The following ZNF385C variants were observed in gnomAD, a reference collection of about 807,000 sequenced individuals.
ZNF385C encodes zinc finger protein 385C.
In ZNF385C, 28 loss-of-function variants were observed where a neutral mutation model predicts 35.4. That is an observed-to-expected ratio of 0.79 (90% confidence interval 0.59 to 1.08). ZNF385C has a LOEUF of 1.08. ZNF385C is among the 50% of genes least tolerant of loss of function. The probability of loss-of-function intolerance (pLI) is 0.00; values close to 1 mark genes in which losing one functional copy is unlikely to be tolerated. For missense variants in ZNF385C, 605 were observed against 595.6 expected (o/e 1.02, Z -0.16); for synonymous variants, 248 against 248.2 (o/e 1.00, Z 0.01).
intron 2 of ZNF385C, among the ~76,000 whole-genome samples, chr17:42,057,788 A>G (rs983797120): frequency 2.0e-5 from 3 of 152,072 alleles, no homozygotes; most frequent in Non-Finnish European, 4.4e-5. Flanking sequence ...TACTAAAAAT[A>G]CAATATTAGC....
intron 1 of ZNF385C, among the ~76,000 whole-genome samples, chr17:42,081,345 A>C (rs540000128): frequency 6.6e-6 from 1 of 152,102 alleles, no homozygotes; most frequent in South Asian, 2.1e-4. Context: ...CACGGGAATC[A>C]CCTGAGCAGC....
chr17:42,098,237 C>G (rs1555661117), intron 1 of ZNF385C, among the ~76,000 whole-genome samples, 173 bp downstream of exon 1: 1 of 152,262 alleles, frequency 6.6e-6, no homozygotes, highest in African/African-American at 2.4e-5. Flanking sequence ...AGTTCAGTCC[C>G]GCCCAGCAGA....
At chr17:42,056,390 A>T (rs1186459382) in intron 2 of ZNF385C, among the ~76,000 whole-genome samples, 2 of 152,178 alleles carry the variant, frequency 1.3e-5, no homozygotes, top group African/African-American at 4.8e-5. Flanking sequence ...CCCATTCTCA[A>T]ACATGGCTCA....
chr17:42,088,904 C>T (rs1555660291), intron 1 of ZNF385C, among the ~76,000 whole-genome samples: 2 of 152,052 alleles, frequency 1.3e-5, no homozygotes, highest in African/African-American at 4.8e-5. Context: ...CAGCTCACTG[C>T]ACCCTCGACC....
chr17:42,040,753 G>A, intron 2 of ZNF385C: 1 of 1,232,366 alleles, frequency 8.1e-7, no homozygotes, highest in African/African-American at 1.5e-5. Flanking sequence ...GTGGGAACTA[G>A]GGCCACCATG....
intron 2 of ZNF385C, among the ~76,000 whole-genome samples, chr17:42,054,356 C>A (rs1182738365): frequency 6.6e-6 from 1 of 152,226 alleles, no homozygotes; most frequent in Non-Finnish European, 1.5e-5. Flanking sequence ...CCCAGCCTCA[C>A]TCATCCTCTC....
At chr17:42,040,729 A>C in intron 2 of ZNF385C, 1 of 1,232,358 alleles carries the variant, frequency 8.1e-7, no homozygotes, top group Non-Finnish European at 1.0e-6. Flanking sequence ...TGCTGCCCGG[A>C]GCTCAGGGAC....
At chr17:42,044,257 A>AT (rs1264762943) in intron 2 of ZNF385C, among the ~76,000 whole-genome samples, 1 of 144,790 alleles carries the variant, frequency 6.9e-6, no homozygotes, top group Non-Finnish European at 1.5e-5. Flanking sequence ...GCAGTGAGCC[A>AT]TGATGGCGCC....
rs868985521 is a variant in ZNF385C at position 42,050,712 on chromosome 17, G to A, written c.250+12095C>T. On this transcript the variant is annotated intron_variant, in intron 2 of 8. Transcript: ENST00000692273. The surrounding 1 kb of genome is among the most constrained non-coding windows in gnomAD (Gnocchi z 5.6). ...CCGGGCAGGGCGGGCGGCGCCCCCGGGGCTCACCTGGCCGCGCCCACCTGC... is the reference window on the plus strand; with the variant it reads ...CCGGGCAGGGCGGGCGGCGCCCCCGAGGCTCACCTGGCCGCGCCCACCTGC... 7 of 150,546 alleles carry A rather than the reference G, an allele frequency of 4.6e-5. No individual in the cohort carries two copies. The highest frequency in any genetic ancestry group is 6.9e-3 in the Middle Eastern group (2 of 290). The allele number at this position is 150,546 out of a possible 1,614,324, so 9.3% of individuals were successfully genotyped here.
chr17:42,064,321 G>A (rs2053516755), intron 1 of ZNF385C, among the ~76,000 whole-genome samples: 1 of 152,202 alleles, frequency 6.6e-6, no homozygotes, highest in Non-Finnish European at 1.5e-5. Flanking sequence ...TCAGACAGGG[G>A]CTTCCTGAGA....
intron 2 of ZNF385C, among the ~76,000 whole-genome samples, chr17:42,055,739 G>T (rs1193631797): frequency 6.6e-6 from 1 of 152,134 alleles, no homozygotes; most frequent in African/African-American, 2.4e-5. Flanking sequence ...GGGGTGAGAA[G>T]CTCATCAAGC....
intron 3 of ZNF385C, among the ~76,000 whole-genome samples, chr17:42,037,138 A>G (rs961989337): frequency 2.0e-5 from 3 of 152,118 alleles, no homozygotes; most frequent in Non-Finnish European, 4.4e-5. Flanking sequence ...GACCACAGGT[A>G]AACTCACAAT....
chr17:42,089,345 A>G (rs527880665), intron 1 of ZNF385C, among the ~76,000 whole-genome samples: 18 of 152,194 alleles, frequency 1.2e-4, no homozygotes, highest in African/African-American at 4.3e-4. Flanking sequence ...ATAAATAAAA[A>G]TAAAGGCAAA....
intron 1 of ZNF385C, among the ~76,000 whole-genome samples, chr17:42,086,099 T>C (rs2053804070): frequency 1.3e-5 from 2 of 152,032 alleles, no homozygotes; most frequent in South Asian, 4.1e-4. Context: ...TAAATTTAAA[T>C]TTAAAAAACC....
At chr17:42,049,628 G>A (rs1180665418) in intron 2 of ZNF385C, among the ~76,000 whole-genome samples, 15 of 152,256 alleles carry the variant, frequency 9.9e-5, no homozygotes, top group Non-Finnish European at 1.8e-4. Context: ...ACTATGCACA[G>A]GATCTCAGAA....
intron 1 of ZNF385C, among the ~76,000 whole-genome samples, chr17:42,067,320 GCA>G (rs1555658512): frequency 6.6e-6 from 1 of 152,142 alleles, no homozygotes; most frequent in Non-Finnish European, 1.5e-5. Flanking sequence ...CCAGCCTGTG[GCA>G]CTTTGTTATG....
At chr17:42,090,118 C>G (rs1483926626) in intron 1 of ZNF385C, among the ~76,000 whole-genome samples, 1 of 152,074 alleles carries the variant, frequency 6.6e-6, no homozygotes. Flanking sequence ...CACTTGGGAG[C>G]TTTCTCAAAG....
At chr17:42,040,903 C>T (rs914100376) in intron 2 of ZNF385C, 12 of 1,232,112 alleles carry the variant, frequency 9.7e-6, no homozygotes, top group African/African-American at 9.3e-5. Flanking sequence ...ACTCCCCAGG[C>T]GCTCACTGGG....
rs782516262 is a variant in ZNF385C, at chr17:42,031,804, A to C, written c.511-20T>G. The C allele has an allele frequency of 6.5e-7, 1 of 1,549,158 alleles. No homozygotes were observed. The highest frequency in any genetic ancestry group is 1.2e-5 in the South Asian group (1 of 83,912). ...CTGGTTCTGGGGAGGGGAGGGCAAG[A>C]GGTCACCATTCACTGGCTGAGTCCA... On this transcript the variant is annotated intron_variant, in intron 4 of 8. Transcript: ENST00000692273.
Sources: allele counts gnomAD v4.1 joint callset (sites outside exome capture counted in the v4.1 genomes callset), GRCh38; gene constraint gnomAD v4.1.1; non-coding constraint Gnocchi (gnomAD v3.1); transcripts MANE v1.5; gene names NCBI Gene and HGNC (gene_info 2026-07-23, HGNC 2026-07-21).